Variants in PRDM16 observed in about 807,000 individuals in gnomAD.
PRDM16 encodes histone-lysine N-methyltransferase PRDM16.
Under a neutral mutation model 110.6 loss-of-function variants are expected in PRDM16, and 23 were observed. The ratio of observed to expected loss-of-function variants is 0.21; its 90% CI spans 0.15 to 0.29. The LOEUF (loss-of-function observed/expected upper bound fraction) is 0.29, where lower values mean the gene tolerates loss of function less well. Among genes scored for constraint, PRDM16 ranks in the 10% least tolerant of loss-of-function variants. The pLI is 1.00. For missense variants in PRDM16, 1,615 were observed against 1,794.3 expected (o/e 0.90, Z 1.81); for synonymous variants, 799 against 781.8 (o/e 1.02, Z -0.37).
intron 3 of PRDM16, among the ~76,000 whole-genome samples, chr1:3,304,642 G>GT (rs1641273184): frequency 6.6e-6 from 1 of 152,188 alleles, no homozygotes. Context: ...CCCCACATAG[G>GT]TTTTTTGTGT....
At chr1:3,282,847 C>T (rs549232829) in intron 3 of PRDM16, among the ~76,000 whole-genome samples, 2 of 152,300 alleles carry the variant, frequency 1.3e-5, no homozygotes, top group African/African-American at 4.8e-5. Context: ...GGGCAGCCAG[C>T]GCTAGCCCAA....
chr1:3,078,089 T>G (rs1641939855), intron 1 of PRDM16, among the ~76,000 whole-genome samples: 1 of 152,174 alleles, frequency 6.6e-6, no homozygotes, highest in Non-Finnish European at 1.5e-5. Flanking sequence ...GCCACTTTTT[T>G]TCTTATCAGA....
At position 3,359,614 on chromosome 1, in the gene PRDM16, T is replaced by A. The variant is rs755328584; in HGVS notation, c.439-25538T>A. Among the ~76,000 whole-genome samples the A allele has an allele frequency of 5.3e-5, 8 of 152,152 alleles. No individual in the cohort carries two copies. Among genetic ancestry groups the A allele is most frequent in the Non-Finnish European group, 8.8e-5 (6 of 68,018 alleles). On this transcript the variant is annotated intron_variant, in intron 3 of 16. Transcript: ENST00000270722. The surrounding 1 kb of genome is among the most constrained non-coding windows in gnomAD (Gnocchi z 4.3). ...CCTCCCCTCCACCTGTCACCGTTGT[T>A]TATCCTCCTCAGCACTCACAGCCCC...
chr1:3,202,720 CA>C (rs1638661253), intron 2 of PRDM16, among the ~76,000 whole-genome samples: 1 of 152,190 alleles, frequency 6.6e-6, no homozygotes, highest in Non-Finnish European at 1.5e-5. Flanking sequence ...GCCTGCATCA[CA>C]GAGCCGGGGC....
chr1:3,414,630 C>T lies in PRDM16; in HGVS notation c.2674C>T (p.Leu892=). ...GGAGAAGTACCTGCGGCCGTCCCCG[C>T]TGCTCTTCCACCCCCAGGTACGTCC... ...LKEKYLRPSP[L]LFHPQMSAIE... The change falls in exon 10 of 17, where the codon CTG becomes TTG. Residue 892 remains leucine (L), a synonymous_variant. Transcript: ENST00000270722. 6.2e-7 allele frequency: 1 copy of T among 1,613,196 alleles called. No homozygotes were observed. The highest frequency in any genetic ancestry group is 1.3e-5 in the African/African-American group (1 of 75,024).
In PRDM16 at chr1:3,136,661, G is replaced by T. The variant is rs192825994; in HGVS notation, c.38-49464G>T. ...GCCCTCAATTCTGGCTGCTGGGTGTGGACAGAGGAGTGGGCTTATCAGGCA... is the reference window on the plus strand; with the variant it reads ...GCCCTCAATTCTGGCTGCTGGGTGTTGACAGAGGAGTGGGCTTATCAGGCA... On this transcript the variant is annotated intron_variant, in intron 1 of 16. Transcript: ENST00000270722. Among the ~76,000 whole-genome samples, 6 of 152,250 alleles carry T rather than the reference G, an allele frequency of 3.9e-5. No homozygotes were observed. In the East Asian group the frequency reaches 1.2e-3, roughly 29 times the overall value.
chr1:3,111,238 G>A (rs1045519995), intron 1 of PRDM16, among the ~76,000 whole-genome samples: 1 of 152,138 alleles, frequency 6.6e-6, no homozygotes, highest in African/African-American at 2.4e-5. Flanking sequence ...CCTGGGAGAC[G>A]CGGAGAGAAG....
chr1:3,361,311 G>A (rs942710562), intron 3 of PRDM16, among the ~76,000 whole-genome samples: 9 of 152,162 alleles, frequency 5.9e-5, no homozygotes, highest in Non-Finnish European at 1.2e-4. Context: ...GGGTCTCTGG[G>A]GATGACGTGT....
chr1:3,085,833 G>T (rs1222739913), intron 1 of PRDM16, among the ~76,000 whole-genome samples: 1 of 152,232 alleles, frequency 6.6e-6, no homozygotes, highest in African/African-American at 2.4e-5. Context: ...GGCCTACAGG[G>T]CCCCAGATGG....
intron 1 of PRDM16, among the ~76,000 whole-genome samples, chr1:3,162,902 T>C (rs77072017): frequency 0.24 from 28,931 of 121,740 alleles, 1,250 homozygotes; most frequent in South Asian, 0.29. Flanking sequence ...CAGAAGCCCC[T>C]GGCATGGTCT....
intron 7 of PRDM16, among the ~76,000 whole-genome samples, chr1:3,405,102 C>T (rs954381066): frequency 2.0e-5 from 3 of 152,114 alleles, no homozygotes; most frequent in African/African-American, 2.4e-5. Flanking sequence ...GGATCAGGGC[C>T]GAGACCAGAA....
At chr1:3,177,437 G>A (rs560148840) in intron 1 of PRDM16, among the ~76,000 whole-genome samples, 2 of 152,218 alleles carry the variant, frequency 1.3e-5, no homozygotes, top group Non-Finnish European at 2.9e-5. Context: ...CTCCCAGCTC[G>A]TTCCTGACTA....
intron 1 of PRDM16, among the ~76,000 whole-genome samples, chr1:3,123,386 G>T (rs892821598): frequency 6.6e-6 from 1 of 152,226 alleles, no homozygotes; most frequent in Non-Finnish European, 1.5e-5. Flanking sequence ...TGTGGCACCC[G>T]TGCAGAGGGG....
At position 3,213,405 on chromosome 1, in the gene PRDM16, C is replaced by T. The variant is rs1638944977; in HGVS notation, c.387+26931C>T. On this transcript the variant is annotated intron_variant, in intron 2 of 16. Transcript: ENST00000270722. The surrounding 1 kb of genome is among the most constrained non-coding windows in gnomAD (Gnocchi z 5.3). The stretch of plus-strand genomic sequence containing the variant: ...TGGCGGGTCCTGGGCGTCTCGGCTC[C>T]GCCATTGTCATTAATTATAAAATTG... Among the ~76,000 whole-genome samples, 1 of 152,158 alleles carries T rather than the reference C, an allele frequency of 6.6e-6. No individual in the cohort carries two copies. The highest frequency in any genetic ancestry group is 2.4e-5 in the African/African-American group (1 of 41,454).
intron 1 of PRDM16, among the ~76,000 whole-genome samples, chr1:3,086,415 G>A (rs1642153634): frequency 6.6e-6 from 1 of 152,210 alleles, no homozygotes; most frequent in Non-Finnish European, 1.5e-5. Flanking sequence ...CTGCCACGGG[G>A]CTGCTACCCA....
chr1:3,406,673 T>A (rs934444408), intron 8 of PRDM16, among the ~76,000 whole-genome samples: 1 of 152,018 alleles, frequency 6.6e-6, no homozygotes, highest in African/African-American at 2.4e-5. Flanking sequence ...AGCCCAGGAA[T>A]TCGAGGCTGC....
intron 1 of PRDM16, among the ~76,000 whole-genome samples, chr1:3,185,351 T>C (rs992980738): frequency 2.0e-5 from 3 of 152,166 alleles, no homozygotes; most frequent in Admixed American, 6.5e-5. Flanking sequence ...ATCCATGACC[T>C]CAGCAGGCCT....
intron 16 of PRDM16, 83 bp downstream of exon 16, chr1:3,432,223 C>A: frequency 7.8e-7 from 1 of 1,287,398 alleles, no homozygotes; most frequent in Non-Finnish European, 1.1e-6. Context: ...CCGCCGTGGC[C>A]CTCCTAGGCC....
chr1:3,396,253 T>C (rs1320080210), intron 4 of PRDM16: 1 of 571,426 alleles, frequency 1.8e-6, no homozygotes, highest in Non-Finnish European at 3.3e-6. Context: ...CCTACCTGTT[T>C]AGTCGGCCAC....
Sources: gnomAD v4.1 joint callset for allele counts (sites outside exome capture counted in the v4.1 genomes callset) on GRCh38, gnomAD v4.1.1 for gene constraint, Gnocchi (gnomAD v3.1) non-coding constraint, MANE v1.5 for transcripts, NCBI Gene and HGNC (gene_info 2026-07-23, HGNC 2026-07-21) for gene names.